The following CFHR3 variants were observed in gnomAD, a reference collection of about 807,000 sequenced individuals.
CFHR3 encodes complement factor H related 3.
A neutral mutation model predicts 36.0 loss-of-function variants in CFHR3; 22 were observed. The observed-to-expected ratio is 0.61, with a 90% confidence interval of 0.44 to 0.87. The LOEUF (loss-of-function observed/expected upper bound fraction) is 0.87. Among genes scored for constraint, CFHR3 ranks in the 40% least tolerant of loss-of-function variants. The pLI, the probability that CFHR3 is intolerant of heterozygous loss-of-function variation, is 0.00. For synonymous variants in CFHR3, 97 were observed against 137.4 expected, an observed-to-expected ratio of 0.71 and a Z score of 2.06; for missense variants, 276 against 401.3, an observed-to-expected ratio of 0.69 and a Z score of 2.67.
Position 196,793,445 on chromosome 1 carries a change from A to T in CFHR3, c.925A>T (p.Asn309Tyr). The T allele has an allele frequency of 2.0e-6, 3 of 1,527,540 alleles. 1 individual carries two copies. The South Asian group carries it at 3.7e-5, about 19-fold the overall frequency. The allele number at this position is 1,527,540 out of a possible 1,614,324, so 94.6% of individuals were successfully genotyped here. ...EFMCKLGYNA[N>Y]TSILSFQAVC... ...TATGTGTAAATTGGGATATAATGCA[A>T]ATACATCAATTCTATCATTTCAAGC... Residue 309 changes from asparagine to tyrosine, a missense_variant, in exon 6 of 6, where the codon AAT (asparagine) becomes TAT (tyrosine). Physicochemically the swap from Asn to Tyr is moderately radical, Grantham distance 143 (BLOSUM62 -2). This residue lies in a region of CFHR3 where 76 missense variants were observed against 79.8 expected (regional missense o/e 0.95). Transcript: ENST00000367425.
At position 196,779,342 on chromosome 1, in the gene CFHR3, C is replaced by T; in HGVS notation, c.239C>T (p.Ala80Val). The T allele has an allele frequency of 6.6e-7, 1 of 1,513,682 alleles. No individual in the cohort carries two copies. Among genetic ancestry groups the T allele is most frequent in the Non-Finnish European group, 9.0e-7 (1 of 1,116,160 alleles). The allele number at this position is 1,513,682 out of a possible 1,614,324, so 93.8% of individuals were successfully genotyped here. A position where few individuals can be genotyped will look rare whatever the true frequency, so the allele number is the denominator to read the frequency against. The change falls in exon 2 of 6, where the codon GCA becomes GTA. Residue 80 changes from alanine (A) to valine (V), a missense_variant. Ala to Val is a moderately conservative substitution (Grantham distance 64). This residue lies in a region of CFHR3 where 178 missense variants were observed against 247.2 expected (regional missense o/e 0.72). Transcript: ENST00000367425. ...IHCTQNGWSP[A>V]VPCLRKCYFP... The stretch of plus-strand genomic sequence containing the variant: ...TGCACACAAAATGGGTGGTCACCAG[C>T]AGTACCATGTCTCAGTAAGTAATCC...
At chr1:196,775,534 T>C (rs1653676755) in intron 1 of CFHR3, among the ~76,000 whole-genome samples, 1 of 137,246 alleles carries the variant, frequency 7.3e-6, no homozygotes, top group African/African-American at 3.0e-5. Flanking sequence ...ATTGGAAAGA[T>C]AGTAAGTTTT....
chr1:196,789,250 A>C (rs1654328524), intron 4 of CFHR3: 1 of 800,486 alleles, frequency 1.2e-6, no homozygotes, highest in Admixed American at 5.6e-5. Flanking sequence ...ATAATATGGA[A>C]CCTTGATACA....
intron 3 of CFHR3, among the ~76,000 whole-genome samples, chr1:196,783,738 T>G (rs1169996451): frequency 7.3e-6 from 1 of 136,474 alleles, no homozygotes; most frequent in Non-Finnish European, 1.6e-5. Flanking sequence ...ATTTTGTTGA[T>G]CCTTTCAAAA....
In CFHR3 at chr1:196,786,841, A is replaced by C. The variant is rs1039496007; in HGVS notation, c.431-1375A>C. Among the ~76,000 whole-genome samples, 8 of 137,220 alleles carry C rather than the reference A, an allele frequency of 5.8e-5. 1 individual carries two copies. The South Asian group carries it at 1.5e-3, about 26-fold the overall frequency. The allele number at this position is 137,220 out of a possible 152,430, so 90.0% of individuals were successfully genotyped here. On this transcript the variant is annotated intron_variant, in intron 3 of 5. Transcript: ENST00000367425. ...CTGCACCCACTGTCTGGCACTCCCT[A>C]GTGAGATGAACCCAGAACCTCAGAT...
chr1:196,782,289 C>CT (rs1279329876), intron 3 of CFHR3, among the ~76,000 whole-genome samples: 1 of 136,796 alleles, frequency 7.3e-6, no homozygotes, highest in Non-Finnish European at 1.5e-5. Context: ...GATGCGGGCT[C>CT]TTTTTTGGTT....
chr1:196,779,057 T>C lies in CFHR3; in HGVS notation c.59-105T>C, dbSNP rs1653840699. On this transcript the variant is annotated intron_variant, in intron 1 of 5. Transcript: ENST00000367425. ...AGGAAACTAGTTATGGTTGCTGTAATTCCACAAGAAAATGTTTGAGAGAAG... is the reference window on the plus strand; with the variant it reads ...AGGAAACTAGTTATGGTTGCTGTAACTCCACAAGAAAATGTTTGAGAGAAG... The C allele has an allele frequency of 7.5e-6, 7 of 928,824 alleles. No homozygotes were observed. In the East Asian group the frequency reaches 1.6e-4, roughly 21 times the overall value. The allele number at this position is 928,824 out of a possible 1,614,324, so 57.5% of individuals were successfully genotyped here.
Position 196,789,355 on chromosome 1 carries a change from G to A in CFHR3, c.614-690G>A, listed in dbSNP as rs113322638. The A allele has an allele frequency of 1.9e-5, 17 of 897,724 alleles. 4 individuals are homozygous for A. The African/African-American group carries it at 3.4e-4, about 18-fold the overall frequency. 55.6% of individuals were successfully genotyped at this position (897,724 alleles called of 1,614,324 possible). A position where few individuals can be genotyped will look rare whatever the true frequency, so the allele number is the denominator to read the frequency against. The stretch of plus-strand genomic sequence containing the variant: ...ATCTCAATGTTATCATGAGTTTTGG[G>A]GGTTATATGAATTCCTACATTTCTA... On this transcript the variant is annotated intron_variant, in intron 4 of 5. Transcript: ENST00000367425.
intron 1 of CFHR3, among the ~76,000 whole-genome samples, chr1:196,777,712 G>T (rs1193650477): frequency 7.4e-6 from 1 of 135,540 alleles, no homozygotes; most frequent in Non-Finnish European, 1.6e-5. Context: ...TTTTGGTCGA[G>T]CCGGGGGGCT....
intron 3 of CFHR3, 41 bp downstream of exon 3, chr1:196,780,014 T>C (rs1489136697): frequency 6.5e-7 from 1 of 1,528,816 alleles, no homozygotes; most frequent in Non-Finnish European, 8.9e-7. Context: ...TTCATGTCTT[T>C]CTAAGTAACA....
intron 1 of CFHR3, among the ~76,000 whole-genome samples, chr1:196,778,785 C>A (rs1407711541): frequency 7.3e-6 from 1 of 136,568 alleles, no homozygotes; most frequent in East Asian, 2.0e-4. Context: ...CCTGAACTGA[C>A]AGCTTTAGCA....
intron 3 of CFHR3, among the ~76,000 whole-genome samples, chr1:196,786,430 G>A (rs1293420813): frequency 1.5e-5 from 2 of 135,750 alleles, no homozygotes; most frequent in Non-Finnish European, 3.1e-5. Context: ...AGGCAGGCAG[G>A]CCTCCTTGAG....
chr1:196,783,337 T>C lies in CFHR3; in HGVS notation c.430+3364T>C, dbSNP rs1186936096. Among the ~76,000 whole-genome samples the C allele has an allele frequency of 2.2e-5, 3 of 135,328 alleles. 1 individual carries two copies. The highest frequency in any genetic ancestry group is 6.3e-5 in the African/African-American group (2 of 31,782). The allele number at this position is 135,328 out of a possible 152,430, so 88.8% of individuals were successfully genotyped here. A position where few individuals can be genotyped will look rare whatever the true frequency, so the allele number is the denominator to read the frequency against. ...CCTCATAAAATGAGTTAGGGAGGAT[T>C]CCCTCTTTTTCTATTGATTGGAATA... is the stretch of plus-strand genomic sequence containing the variant. On this transcript the variant is annotated intron_variant, in intron 3 of 5. Coordinates refer to ENST00000367425, the MANE Select transcript of CFHR3 (RefSeq NM_021023.6).
At chr1:196,777,491 G>T (rs1285456383) in intron 1 of CFHR3, among the ~76,000 whole-genome samples, 1 of 135,978 alleles carries the variant, frequency 7.4e-6, no homozygotes, top group Non-Finnish European at 1.6e-5. Flanking sequence ...TAAGAAGCTG[G>T]CTTCTGTGTA....
rs1653663158 is a variant in CFHR3 at position 196,775,209 on chromosome 1, T to C, written c.58+265T>C. On this transcript the variant is annotated intron_variant, in intron 1 of 5. Transcript: ENST00000367425. ...GCATTTAATATTGATTATGGAGATA[T>C]GTGAATATACTCATGAAACTTTAAG... Among the ~76,000 whole-genome samples, 3 of 137,052 alleles carry C rather than the reference T, an allele frequency of 2.2e-5. 1 individual carries two copies. The highest frequency in any genetic ancestry group is 2.1e-4 in the Admixed American group (3 of 14,138). The allele number at this position is 137,052 out of a possible 152,430, so 89.9% of individuals were successfully genotyped here. A position where few individuals can be genotyped will look rare whatever the true frequency, so the allele number is the denominator to read the frequency against.
rs753610545 is a variant in CFHR3 at position 196,779,933 on chromosome 1, G to C, written c.390G>C (p.Thr130=). The change falls in exon 3 of 6, where the codon ACG becomes ACC. Residue 130 remains threonine (T), a synonymous_variant. Coordinates refer to ENST00000367425, the MANE Select transcript of CFHR3 (RefSeq NM_021023.6). ...LPKAQTTVTC[T]EKGWSPTPRC... ...AAGCGCAGACCACAGTTACATGTAC[G>C]GAGAAAGGCTGGTCTCCTACTCCCA... 1 of 1,533,168 alleles carries C rather than the reference G, an allele frequency of 6.5e-7. No individual in the cohort carries two copies. Among genetic ancestry groups the C allele is most frequent in the Non-Finnish European group, 8.8e-7 (1 of 1,133,328 alleles). The allele number at this position is 1,533,168 out of a possible 1,614,324, so 95.0% of individuals were successfully genotyped here. A position where few individuals can be genotyped will look rare whatever the true frequency, so the allele number is the denominator to read the frequency against.
intron 1 of CFHR3, among the ~76,000 whole-genome samples, chr1:196,777,757 C>T (rs1198944245): frequency 1.5e-5 from 2 of 134,812 alleles, no homozygotes; most frequent in Non-Finnish European, 3.1e-5. Flanking sequence ...GGGGCCAAGG[C>T]GCGCGGATCA....
At position 196,779,944 on chromosome 1, in the gene CFHR3, G is replaced by T; in HGVS notation, c.401G>T (p.Trp134Leu). 1 of 1,533,086 alleles carries T rather than the reference G, an allele frequency of 6.5e-7. No individual in the cohort carries two copies. The allele number at this position is 1,533,086 out of a possible 1,614,324, so 95.0% of individuals were successfully genotyped here. A position where few individuals can be genotyped will look rare whatever the true frequency, so the allele number is the denominator to read the frequency against. The change falls in exon 3 of 6, where the codon TGG (tryptophan) becomes TTG (leucine). Residue 134 changes from tryptophan (W) to leucine (L), a missense_variant. Trp to Leu is a moderately conservative substitution (Grantham distance 61). This residue lies in a region of CFHR3 where 178 missense variants were observed against 247.2 expected (regional missense o/e 0.72). Transcript: ENST00000367425. The part of the protein sequence containing the change: ...QTTVTCTEKG[W>L]SPTPRCIRVR... ...ACAGTTACATGTACGGAGAAAGGCT[G>T]GTCTCCTACTCCCAGATGCATCCGT...
Position 196,788,782 on chromosome 1 carries a change from T to C in CFHR3, c.613+384T>C, listed in dbSNP as rs61737521. On this transcript the variant is annotated intron_variant, in intron 4 of 5. Coordinates refer to ENST00000367425, the MANE Select transcript of CFHR3 (RefSeq NM_021023.6). ...CATTCCGTGCTCACGCTCAGAAAAG[T>C]TGTACATGTCGGGGGAGAAATGAGT... 6,110 of 1,456,538 alleles carry C rather than the reference T, an allele frequency of 4.2e-3. 1,547 individuals carry two copies. In the African/African-American group the frequency reaches 0.076, roughly 18 times the overall value. The allele number at this position is 1,456,538 out of a possible 1,614,324, so 90.2% of individuals were successfully genotyped here.
Sources: gnomAD v4.1 joint callset for allele counts (sites outside exome capture counted in the v4.1 genomes callset) on GRCh38, gnomAD v4.1.1 for gene constraint, gnomAD v4.1.1 regional missense constraint, MANE v1.5 for transcripts, NCBI Gene and HGNC (gene_info 2026-07-23, HGNC 2026-07-21) for gene names.